TNK2: variants seen among roughly 807,000 people sequenced by gnomAD.
TNK2 encodes tyrosine kinase non receptor 2, also known as activated CDC42 kinase 1.
In TNK2, 83 loss-of-function variants were observed where a neutral mutation model predicts 101.8. The ratio of observed to expected loss-of-function variants is 0.82; its 90% confidence interval spans 0.68 to 0.98. TNK2 has a LOEUF of 0.98. Ranked by LOEUF, TNK2 falls within the 50% of genes least tolerant of loss-of-function variation. TNK2 has a pLI of 0.00. For synonymous variants in TNK2, 804 were observed against 633.0 expected (o/e 1.27, Z -4.06); for missense variants, 1,665 against 1,483.2 (o/e 1.12, Z -2.01).
At chr3:195,893,157 T>G (rs1249720035) in intron 1 of TNK2, among the ~76,000 whole-genome samples, 1 of 152,016 alleles carries the variant, frequency 6.6e-6, no homozygotes, top group Non-Finnish European at 1.5e-5. Context: ...GAGGCTCCGC[T>G]GGGCCCTGCG....
In TNK2 at chr3:195,868,506, G is replaced by A. The variant is rs766876857; in HGVS notation, c.1792C>T (p.Arg598Trp). 1.7e-5 allele frequency: 27 copies of A among 1,553,046 alleles called. No individual in the cohort carries two copies. Among genetic ancestry groups the A allele is most frequent in the Admixed American group, 8.1e-5 (4 of 49,466 alleles). ...FGEEPVVPAL[R>W]PCAPSLAQLA... ...TGCGCCAGGGAGGGCGCGCAGGGCC[G>A]TAGGGCCGGGACCACGGGCTCCTCA... Residue 598 changes from arginine to tryptophan, a missense_variant, in exon 13 of 16, where the codon CGG becomes TGG. Arg to Trp is a moderately radical substitution (Grantham distance 101). This residue lies in a region of TNK2 where 1,136 missense variants were observed against 894.9 expected (regional missense o/e 1.27). Coordinates refer to ENST00000672887, the MANE Select transcript of TNK2 (RefSeq NM_001382273.1).
At chr3:195,887,362 T>A (rs1454205999) in intron 2 of TNK2, among the ~76,000 whole-genome samples, 1 of 152,224 alleles carries the variant, frequency 6.6e-6, no homozygotes, top group South Asian at 2.1e-4. Context: ...TCCGTAAAAT[T>A]TTTTTATGCT....
At position 195,885,642 on chromosome 3, in the gene TNK2, C is replaced by G. The variant is rs899141174; in HGVS notation, c.235-609G>C. 4.2e-5 allele frequency: 53 copies of G among 1,253,240 alleles called. No homozygotes were observed. Among genetic ancestry groups the G allele is most frequent in the Non-Finnish European group, 5.3e-5 (51 of 956,354 alleles). The allele number at this position is 1,253,240 out of a possible 1,614,324, so 77.6% of individuals were successfully genotyped here. On this transcript the variant is annotated intron_variant, in intron 3 of 15. Coordinates refer to ENST00000672887, the MANE Select transcript of TNK2 (RefSeq NM_001382273.1). This position sits in a 1 kb window ranked among gnomAD's most constrained non-coding sequence, Gnocchi z 4.7. ...CTTGCTGGGAAGGGGCCTGGGAAGA[C>G]AGCTGGGTCTCTGGAGGGGCGCCTA...
At chr3:195,864,262 C>T (rs1316821178) in intron 15 of TNK2, 75 bp from the exon 16 acceptor site, 1 of 1,584,272 alleles carries the variant, frequency 6.3e-7, no homozygotes, top group Non-Finnish European at 8.7e-7. Flanking sequence ...GGGGGTCACA[C>T]TGGTGCCAGG....
intron 1 of TNK2, chr3:195,894,207 G>A (rs1759698765): frequency 1.3e-5 from 2 of 152,230 alleles, no homozygotes; most frequent in South Asian, 4.1e-4. Flanking sequence ...TTTAAGCAGG[G>A]TTATTCCCTC....
At chr3:195,883,852 G>C (rs1376814680) in intron 4 of TNK2, 1 of 152,672 alleles carries the variant, frequency 6.5e-6, no homozygotes, top group East Asian at 1.9e-4. Flanking sequence ...ATATTAAAAG[G>C]TGTTTTGCTG....
At chr3:195,890,181 A>G (rs529504865) in intron 1 of TNK2, among the ~76,000 whole-genome samples, 3 of 152,312 alleles carry the variant, frequency 2.0e-5, no homozygotes, top group Admixed American at 2.0e-4. Context: ...TGGTTTCCAA[A>G]CTTAAAGCTG....
intron 4 of TNK2, chr3:195,884,177 C>T (rs1161675944): frequency 6.6e-6 from 1 of 152,130 alleles, no homozygotes; most frequent in Non-Finnish European, 1.5e-5. Context: ...AAGCTGTATC[C>T]AGAATTTGTA....
At position 195,868,647 on chromosome 3, in the gene TNK2, C is replaced by T. The variant is rs1742601419; in HGVS notation, c.1651G>A (p.Gly551Ser). 2 of 1,594,260 alleles carry T rather than the reference C, an allele frequency of 1.3e-6. No individual in the cohort carries two copies. The highest frequency in any genetic ancestry group is 1.7e-6 in the Non-Finnish European group (2 of 1,178,042). The change falls in exon 13 of 16, where the codon GGC becomes AGC. Residue 551 changes from glycine (G) to serine (S), a missense_variant. Physicochemically the swap from Gly to Ser is moderately conservative, Grantham distance 56. Around this residue, in one of 3 missense-constraint regions of TNK2, gnomAD observed 1,136 missense variants for 894.9 expected, o/e 1.27. Coordinates refer to ENST00000672887, the MANE Select transcript of TNK2 (RefSeq NM_001382273.1). The stretch of plus-strand genomic sequence containing the variant: ...CGGGGCAGGCCTGGCTTCCGCAGGC[C>T]CAGCCTCTTGAAGTCGCTGGACAAG... Reference protein sequence around the residue: ...DPLSSDFKRLGLRKPGLPRGL... With the variant: ...DPLSSDFKRLSLRKPGLPRGL...
intron 2 of TNK2, among the ~76,000 whole-genome samples, chr3:195,887,387 C>T (rs1432978387): frequency 6.6e-6 from 1 of 152,216 alleles, no homozygotes; most frequent in Non-Finnish European, 1.5e-5. Context: ...GCATCAGACA[C>T]CAACTATCCA....
Position 195,884,888 on chromosome 3 carries a change from C to T in TNK2, c.380G>A (p.Arg127His), listed in dbSNP as rs1359669661. 7.4e-6 allele frequency: 12 copies of T among 1,613,914 alleles called. No homozygotes were observed. Among genetic ancestry groups the T allele is most frequent in the East Asian group, 4.5e-5 (2 of 44,884 alleles). ...ACCATCACCCAGCTTCTCCAGGAGGCGCAGGTCCTTCTCCCCAATGAGGCA... is the reference window on the plus strand; with the variant it reads ...ACCATCACCCAGCTTCTCCAGGAGGTGCAGGTCCTTCTCCCCAATGAGGCA... ...LTCLIGEKDLRLLEKLGDGSF... is the reference protein window; with the variant it reads ...LTCLIGEKDLHLLEKLGDGSF... The change falls in exon 4 of 16, where the codon CGC becomes CAC. Residue 127 changes from arginine to histidine, a missense_variant. By Grantham distance (29) the Arg-to-His change is conservative (BLOSUM62 0). Coordinates refer to ENST00000672887, the MANE Select transcript of TNK2 (RefSeq NM_001382273.1).
At position 195,868,182 on chromosome 3, in the gene TNK2, G is replaced by C. The variant is rs533205195; in HGVS notation, c.2116C>G (p.Pro706Ala). 6.2e-7 allele frequency: 1 copy of C among 1,609,844 alleles called. No individual in the cohort carries two copies. The highest frequency in any genetic ancestry group is 1.3e-5 in the African/African-American group (1 of 74,822). ...PPLEDNLFLP[P>A]QGGGKPPSSA... is the part of the protein sequence containing the mutation. ...CTGGGCGGCTTGCCCCCACCCTGGG[G>C]CGGGAGGAACAGGTTGTCCTCCAGG... The change falls in exon 13 of 16, where the codon CCC becomes GCC. Residue 706 changes from proline to alanine, a missense_variant. Pro to Ala is a conservative substitution (Grantham distance 27, BLOSUM62 -1). This residue lies in a region of TNK2 where 1,136 missense variants were observed against 894.9 expected (regional missense o/e 1.27). Coordinates refer to ENST00000672887, the MANE Select transcript of TNK2 (RefSeq NM_001382273.1).
intron 1 of TNK2, among the ~76,000 whole-genome samples, chr3:195,903,855 AG>A (rs1761473516): frequency 6.6e-6 from 1 of 152,238 alleles, no homozygotes; most frequent in African/African-American, 2.4e-5. Context: ...GAAAATCCAA[AG>A]GAAGTTACAA....
Position 195,868,377 on chromosome 3 carries a change from C to T in TNK2, c.1921G>A (p.Ala641Thr), listed in dbSNP as rs577968963. 54 of 1,592,164 alleles carry T rather than the reference C, an allele frequency of 3.4e-5. No individual in the cohort carries two copies. The East Asian group carries it at 6.3e-4, about 18-fold the overall frequency. ...LHPTPVVDWD[A>T]RPLPPPPAYD... ...GCGGGCGGGGGGGGCAGCGGGCGTG[C>T]GTCCCAGTCCACCACAGGCGTGGGG... The change falls in exon 13 of 16, where the codon GCA becomes ACA. Residue 641 changes from alanine (A) to threonine (T), a missense_variant. By Grantham distance (58) the Ala-to-Thr change is moderately conservative. This residue lies in a region of TNK2 where 1,136 missense variants were observed against 894.9 expected (regional missense o/e 1.27). Transcript: ENST00000672887.
chr3:195,897,290 C>G (rs888946280), intron 1 of TNK2, among the ~76,000 whole-genome samples: 3 of 152,216 alleles, frequency 2.0e-5, no homozygotes, highest in African/African-American at 7.2e-5. Flanking sequence ...TGACATCACA[C>G]TGGTCTGGGG....
intron 9 of TNK2, chr3:195,876,453 T>C: frequency 2.2e-6 from 1 of 456,726 alleles, no homozygotes; most frequent in Non-Finnish European, 4.4e-6. Flanking sequence ...CACAGAGCCA[T>C]CCGCCTGGAG....
chr3:195,895,372 G>GCCCC (rs1760165830), intron 1 of TNK2: 12 of 1,554,388 alleles, frequency 7.7e-6, no homozygotes, highest in Non-Finnish European at 1.0e-5. Context: ...CAGCGGCACC[G>GCCCC]GCAGCGTCAC....
In TNK2 at chr3:195,870,210, G is replaced by A. The variant is rs371250066; in HGVS notation, c.1452-5C>T. ...ATGGGGTTTCCCAGATACAGTCTGT[G>A]GGGGAGAGAGCTGGGTCAAGAGAGC... On this transcript the variant is annotated splice_polypyrimidine_tract_variant and splice_region_variant and intron_variant, in intron 10 of 15. Transcript: ENST00000672887. 35 of 1,595,970 alleles carry A rather than the reference G, an allele frequency of 2.2e-5. No individual in the cohort carries two copies. Among genetic ancestry groups the A allele is most frequent in the South Asian group, 6.8e-5 (6 of 88,752 alleles).
In TNK2 at chr3:195,868,362, G is replaced by T; in HGVS notation, c.1936C>A (p.Pro646Thr). The change falls in exon 13 of 16, where the codon CCC (proline) becomes ACC (threonine). Residue 646 changes from proline to threonine, a missense_variant. Physicochemically the swap from Pro to Thr is conservative, Grantham distance 38 (BLOSUM62 -1). Around this residue, in one of 3 missense-constraint regions of TNK2, gnomAD observed 1,136 missense variants for 894.9 expected, o/e 1.27. Transcript: ENST00000672887. ...VVDWDARPLP[P>T]PPAYDDVAQD... ...GCCACGTCGTCATAGGCGGGCGGGG[G>T]GGGCAGCGGGCGTGCGTCCCAGTCC... 1 of 1,597,782 alleles carries T rather than the reference G, an allele frequency of 6.3e-7. No homozygotes were observed. The highest frequency in any genetic ancestry group is 2.2e-5 in the East Asian group (1 of 44,788).
Sources: gnomAD v4.1 joint callset for allele counts (sites outside exome capture counted in the v4.1 genomes callset) on GRCh38, gnomAD v4.1.1 for gene constraint, gnomAD v4.1.1 regional missense constraint, Gnocchi (gnomAD v3.1) non-coding constraint, MANE v1.5 for transcripts, NCBI Gene and HGNC (gene_info 2026-07-23, HGNC 2026-07-21) for gene names.